The following GABRB1 variants were observed in gnomAD, a reference collection of about 807,000 sequenced individuals.
The protein encoded by GABRB1 is gamma-aminobutyric acid type A receptor subunit beta1, also known as gamma-aminobutyric acid receptor subunit beta-1.
Under a neutral mutation model 51.6 loss-of-function variants are expected in GABRB1, and 17 were observed. The observed-to-expected ratio is 0.33, with a 90% CI of 0.23 to 0.49. The LOEUF (loss-of-function observed/expected upper bound fraction) is 0.49. GABRB1 is among the 20% of genes least tolerant of loss of function. The pLI is 0.99. For missense variants in GABRB1, 410 were observed against 600.6 expected (o/e 0.68, Z 3.32); for synonymous variants, 247 against 218.9 (o/e 1.13, Z -1.14).
At chr4:47,014,073 C>A (rs963731743) in intron 1 of GABRB1, among the ~76,000 whole-genome samples, 1 of 151,974 alleles carries the variant, frequency 6.6e-6, no homozygotes, top group Non-Finnish European at 1.5e-5. Context: ...GTATATGCTA[C>A]GAAGTAGGTA....
chr4:47,351,655 T>G (rs372101267), intron 5 of GABRB1, among the ~76,000 whole-genome samples: 1 of 147,456 alleles, frequency 6.8e-6, no homozygotes, highest in Non-Finnish European at 1.5e-5. Context: ...TGAGAACATG[T>G]GGTGTTTGGT....
chr4:47,279,530 C>T (rs531078031), intron 4 of GABRB1, among the ~76,000 whole-genome samples: 2 of 152,172 alleles, frequency 1.3e-5, no homozygotes, highest in South Asian at 4.1e-4. Flanking sequence ...GCCCTTTGAT[C>T]CACCTTCCAT....
chr4:47,119,029 C>T (rs1005122765), intron 3 of GABRB1, among the ~76,000 whole-genome samples: 3 of 152,100 alleles, frequency 2.0e-5, no homozygotes, highest in Non-Finnish European at 4.4e-5. Flanking sequence ...TGAAAATGTA[C>T]TCTACCAGAT....
chr4:47,015,294 C>T (rs928984818), intron 1 of GABRB1, among the ~76,000 whole-genome samples: 2 of 152,060 alleles, frequency 1.3e-5, no homozygotes, highest in African/African-American at 4.8e-5. Flanking sequence ...TATAGAATAA[C>T]AATATGTTTC....
chr4:47,164,139 T>C (rs1167663242), intron 4 of GABRB1, among the ~76,000 whole-genome samples: 1 of 151,960 alleles, frequency 6.6e-6, no homozygotes, highest in Non-Finnish European at 1.5e-5. Flanking sequence ...TATGATCCGA[T>C]TACCTCCCAC....
intron 5 of GABRB1, among the ~76,000 whole-genome samples, chr4:47,335,412 C>G (rs1429375822): frequency 6.6e-6 from 1 of 151,840 alleles, no homozygotes; most frequent in African/African-American, 2.4e-5. Context: ...TGGAAATATT[C>G]GGAAGTGTCC....
chr4:47,211,278 A>C (rs892131062), intron 4 of GABRB1, among the ~76,000 whole-genome samples: 2 of 152,330 alleles, frequency 1.3e-5, no homozygotes, highest in South Asian at 2.1e-4. Context: ...GGAGCCCAAT[A>C]GTTTGAAGCA....
chr4:47,107,329 T>C (rs1715011101), intron 3 of GABRB1, among the ~76,000 whole-genome samples: 1 of 152,090 alleles, frequency 6.6e-6, no homozygotes, highest in East Asian at 1.9e-4. Flanking sequence ...ACTTTTCTGA[T>C]GGGTGGATAT....
At chr4:47,387,371 C>T (rs1298931122) in intron 5 of GABRB1, among the ~76,000 whole-genome samples, 1 of 152,114 alleles carries the variant, frequency 6.6e-6, no homozygotes, top group Non-Finnish European at 1.5e-5. Flanking sequence ...ACTCTGGAGG[C>T]TGAGGCAGGA....
intron 3 of GABRB1, among the ~76,000 whole-genome samples, chr4:47,122,817 A>T (rs932631030): frequency 1.3e-5 from 2 of 152,220 alleles, no homozygotes; most frequent in South Asian, 4.1e-4. Context: ...GGAAACAAGT[A>T]GAAAGGAGCA....
intron 1 of GABRB1, among the ~76,000 whole-genome samples, chr4:47,004,195 G>A (rs1035931218): frequency 7.9e-5 from 12 of 152,084 alleles, no homozygotes; most frequent in Non-Finnish European, 2.9e-5. Flanking sequence ...CACCATGTTG[G>A]CCAGGTTGGT....
chr4:47,028,231 T>C (rs767515580), upstream of GABRB1, among the ~76,000 whole-genome samples: 5 of 151,738 alleles, frequency 3.3e-5, no homozygotes, highest in Non-Finnish European at 5.9e-5. Context: ...ATGGGGTACA[T>C]GAGATGTTTT....
At chr4:47,162,957 C>G (rs1385490251) in intron 4 of GABRB1, among the ~76,000 whole-genome samples, 2 of 152,062 alleles carry the variant, frequency 1.3e-5, no homozygotes, top group Non-Finnish European at 2.9e-5. Flanking sequence ...CTCATAGCTT[C>G]CCTTTCTCTT....
chr4:47,064,372 C>T (rs550363464), intron 3 of GABRB1, among the ~76,000 whole-genome samples: 1 of 152,102 alleles, frequency 6.6e-6, no homozygotes, highest in South Asian at 2.1e-4. Flanking sequence ...CGGTGGCTCA[C>T]GCCTGTAATC....
intron 5 of GABRB1, among the ~76,000 whole-genome samples, chr4:47,343,145 T>TA (rs576268614): frequency 1.0e-3 from 147 of 142,268 alleles, no homozygotes; most frequent in Admixed American, 2.6e-3. Flanking sequence ...TCACTCAACT[T>TA]AAAAAAAAAA....
intron 4 of GABRB1, among the ~76,000 whole-genome samples, chr4:47,252,632 C>A (rs947005141): frequency 6.6e-6 from 1 of 151,440 alleles, no homozygotes; most frequent in Non-Finnish European, 1.5e-5. Flanking sequence ...CTCAGCCTCC[C>A]AAGTAGCTGG....
upstream of GABRB1, among the ~76,000 whole-genome samples, chr4:47,028,194 G>T (rs1365348385): frequency 5.9e-5 from 9 of 151,472 alleles, no homozygotes; most frequent in East Asian, 1.2e-3. Flanking sequence ...AAAAAGTTTT[G>T]CAGGTACATA....
chr4:47,302,906 CAG>C (rs1190863918), intron 4 of GABRB1, among the ~76,000 whole-genome samples: 2 of 151,946 alleles, frequency 1.3e-5, no homozygotes, highest in Non-Finnish European at 2.9e-5. Flanking sequence ...GTAATGGTCA[CAG>C]AAATTAACTA....
intron 5 of GABRB1, among the ~76,000 whole-genome samples, chr4:47,384,715 C>A (rs755421571): frequency 2.0e-5 from 3 of 152,152 alleles, no homozygotes; most frequent in Non-Finnish European, 4.4e-5. Flanking sequence ...ATAAGTGCCT[C>A]TGTTTCTATT....
Sources: gnomAD v4.1 joint callset for allele counts (sites outside exome capture counted in the v4.1 genomes callset) on GRCh38, gnomAD v4.1.1 for gene constraint, MANE v1.5 for transcripts, NCBI Gene and HGNC (gene_info 2026-07-23, HGNC 2026-07-21) for gene names.